The following DOCK1 variants were observed in gnomAD, a reference collection of about 807,000 sequenced individuals.
DOCK1 encodes the protein dedicator of cytokinesis protein 1.
Under a neutral mutation model 262.7 loss-of-function variants are expected in DOCK1, and 138 were observed. That is an observed-to-expected ratio of 0.53 (90% CI 0.46 to 0.61). The LOEUF is 0.61. Ranked by LOEUF, DOCK1 falls within the 20% of genes least tolerant of loss-of-function variation. The probability of loss-of-function intolerance (pLI) is 0.00; values close to 1 mark genes in which losing one functional copy is unlikely to be tolerated. For synonymous variants in DOCK1, 866 were observed against 867.4 expected (o/e 1.00, Z 0.03); for missense variants, 1,908 against 2,370.7 (o/e 0.80, Z 4.05).
chr10:127,297,799 AT>A (rs949804933), intron 29 of DOCK1, among the ~76,000 whole-genome samples: 7 of 152,160 alleles, frequency 4.6e-5, no homozygotes, highest in African/African-American at 1.7e-4. Flanking sequence ...TGCGGGAAGC[AT>A]TTTTAGCAGA....
chr10:127,245,640 G>C (rs988250062), intron 27 of DOCK1, among the ~76,000 whole-genome samples: 1 of 152,164 alleles, frequency 6.6e-6, no homozygotes, highest in Non-Finnish European at 1.5e-5. Context: ...TCCGCATGAC[G>C]TGACAGTCTG....
At chr10:127,249,394 C>CATAT (rs1189344014) in intron 28 of DOCK1, among the ~76,000 whole-genome samples, 1 of 11,274 alleles carries the variant, frequency 8.9e-5, no homozygotes, top group African/African-American at 2.0e-4. Context: ...CATATATACA[C>CATAT]ACATATATAC....
intron 29 of DOCK1, among the ~76,000 whole-genome samples, chr10:127,271,725 T>C (rs1350334870): frequency 6.6e-6 from 1 of 152,212 alleles, no homozygotes; most frequent in Non-Finnish European, 1.5e-5. Context: ...AGTGACTGTG[T>C]AACTGCTGGG....
chr10:126,910,888 C>A (rs892046902), intron 1 of DOCK1, among the ~76,000 whole-genome samples: 1 of 152,094 alleles, frequency 6.6e-6, no homozygotes, highest in Admixed American at 6.5e-5. Flanking sequence ...GATATTCATC[C>A]GGGTGTTGCT....
intron 26 of DOCK1, among the ~76,000 whole-genome samples, chr10:127,126,346 C>T (rs2483862): frequency 0.82 from 124,736 of 151,912 alleles, 51,910 homozygotes; most frequent in East Asian, 0.94. Flanking sequence ...CCACCTGCCT[C>T]GGCCTCCCAG....
chr10:127,417,970 C>T (rs1463153311), intron 44 of DOCK1, among the ~76,000 whole-genome samples: 1 of 151,974 alleles, frequency 6.6e-6, no homozygotes, highest in East Asian at 1.9e-4. Flanking sequence ...GTGCAGGCTG[C>T]CCGGGCTTAG....
At chr10:127,082,703 G>A (rs2046974934) in intron 23 of DOCK1, among the ~76,000 whole-genome samples, 1 of 152,086 alleles carries the variant, frequency 6.6e-6, no homozygotes. Flanking sequence ...TATGTGGGAG[G>A]ATCAAGAGTG....
chr10:127,342,980 C>T (rs977095690), intron 30 of DOCK1, among the ~76,000 whole-genome samples: 2 of 152,158 alleles, frequency 1.3e-5, no homozygotes, highest in Non-Finnish European at 2.9e-5. Flanking sequence ...CATGGTGGCT[C>T]ACACTTGTAA....
chr10:127,419,794 G>A (rs1295251972), intron 46 of DOCK1, 45 bp downstream of exon 46: 1 of 1,547,230 alleles, frequency 6.5e-7, no homozygotes, highest in Non-Finnish European at 8.7e-7. Flanking sequence ...GGGAAGGAAA[G>A]CTAGGAGGGT....
intron 30 of DOCK1, 26 bp from the exon 31 acceptor site, chr10:127,343,620 A>C: frequency 6.4e-7 from 1 of 1,572,828 alleles, no homozygotes. Context: ...TCAACAACTT[A>C]GCATCTCCTC....
At chr10:127,237,086 C>T (rs532371180) in intron 27 of DOCK1, among the ~76,000 whole-genome samples, 12 of 152,216 alleles carry the variant, frequency 7.9e-5, no homozygotes, top group East Asian at 3.9e-4. Context: ...TGGCCGGGCG[C>T]GGTGACTCTC....
chr10:127,408,385 A>G (rs1052822140), intron 40 of DOCK1, among the ~76,000 whole-genome samples: 8 of 152,192 alleles, frequency 5.3e-5, no homozygotes, highest in African/African-American at 1.9e-4. Context: ...CACATTCTGA[A>G]TGCAGGAAGG....
intron 27 of DOCK1, among the ~76,000 whole-genome samples, chr10:127,162,354 A>G (rs899230096): frequency 3.3e-5 from 5 of 152,216 alleles, no homozygotes; most frequent in Admixed American, 1.3e-4. Flanking sequence ...CTTGGAAGTA[A>G]TATATCTCTA....
At position 126,988,917 on chromosome 10, in the gene DOCK1, A is replaced by G. The variant is rs575375622; in HGVS notation, c.324+1300A>G. On this transcript the variant is annotated intron_variant, in intron 5 of 51. Transcript: ENST00000623213. Reference sequence around the variant, plus strand: ...GTGAAACCCCGTCCCTACTAAAAATACAAAAATTAGCTGAGCATGGTGGAG... The same window carrying G: ...GTGAAACCCCGTCCCTACTAAAAATGCAAAAATTAGCTGAGCATGGTGGAG... 7.9e-5 allele frequency among the ~76,000 whole-genome samples: 12 copies of G among 152,218 alleles called. No homozygotes were observed. The East Asian group carries it at 2.1e-3, about 27-fold the overall frequency.
chr10:127,173,751 C>G (rs2054803673), intron 27 of DOCK1, among the ~76,000 whole-genome samples: 1 of 152,110 alleles, frequency 6.6e-6, no homozygotes, highest in African/African-American at 2.4e-5. Context: ...CCACCCCACG[C>G]CTGATGAGTG....
In DOCK1 at chr10:127,176,346, T is replaced by C; in HGVS notation, c.2847+48582T>C. 6.2e-7 allele frequency: 1 copy of C among 1,613,752 alleles called. No individual in the cohort carries two copies. The highest frequency in any genetic ancestry group is 8.5e-7 in the Non-Finnish European group (1 of 1,179,944). ...GGCCAGGCAGGCGGCGGGTTCCACT[T>C]CACTCTCCGACGTTGTGAGTATGCA... On this transcript the variant is annotated intron_variant, in intron 27 of 51. Coordinates refer to ENST00000623213, the MANE Select transcript of DOCK1 (RefSeq NM_001290223.2). This position sits in a 1 kb window ranked among gnomAD's most constrained non-coding sequence, Gnocchi z 4.4.
intron 38 of DOCK1, among the ~76,000 whole-genome samples, chr10:127,388,264 G>C (rs111699164): frequency 2.0e-3 from 311 of 152,312 alleles, no homozygotes; most frequent in African/African-American, 7.2e-3. Flanking sequence ...GAATCAGAAT[G>C]AGTTTTAGGA....
intron 6 of DOCK1, among the ~76,000 whole-genome samples, chr10:126,990,891 T>C (rs1452506839): frequency 2.0e-5 from 3 of 152,180 alleles, no homozygotes; most frequent in African/African-American, 7.2e-5. Flanking sequence ...ATTACTCCCC[T>C]AGCAAGGAAC....
intron 29 of DOCK1, among the ~76,000 whole-genome samples, chr10:127,311,858 T>A (rs1049322545): frequency 5.3e-5 from 8 of 152,088 alleles, no homozygotes; most frequent in African/African-American, 9.7e-5. Flanking sequence ...ACCTGTTTTT[T>A]ATTTTTTTTA....
Sources: gnomAD v4.1 joint callset for allele counts (sites outside exome capture counted in the v4.1 genomes callset) on GRCh38, gnomAD v4.1.1 for gene constraint, Gnocchi (gnomAD v3.1) non-coding constraint, MANE v1.5 for transcripts, NCBI Gene and HGNC (gene_info 2026-07-23, HGNC 2026-07-21) for gene names.